Variants in LRMDA observed in about 807,000 individuals in gnomAD.
The protein encoded by LRMDA is leucine-rich melanocyte differentiation-associated protein.
LRMDA carries 18 observed loss-of-function variants against 29.8 expected under a neutral mutation model. The observed-to-expected ratio is 0.60, with a 90% CI of 0.42 to 0.90. The LOEUF (loss-of-function observed/expected upper bound fraction) is 0.90, where lower values mean the gene tolerates loss of function less well. Ranked by LOEUF, LRMDA falls within the 40% of genes least tolerant of loss-of-function variation. The pLI is 0.00. For synonymous variants in LRMDA, 125 were observed against 109.4 expected, an observed-to-expected ratio of 1.14 and a Z score of -0.89; for missense variants, 273 against 273.9, an observed-to-expected ratio of 1.00 and a Z score of 0.02.
intron 5 of LRMDA, among the ~76,000 whole-genome samples, chr10:76,208,679 T>C (rs2117795): frequency 0.31 from 47,295 of 151,948 alleles, 9,124 homozygotes; most frequent in East Asian, 0.6. Flanking sequence ...CATTCAGCAG[T>C]GAAGCCCAGG....
rs142976596 is a variant in LRMDA at position 75,683,621 on chromosome 10, A to G, written c.131+245127A>G. The stretch of plus-strand genomic sequence containing the variant: ...TGCACTCAGTATTTGGTGTCAGGCA[A>G]GGTTCCTAGGTGGTGTTCATTTCCT... On this transcript the variant is annotated intron_variant, in intron 2 of 6. Transcript: ENST00000611255. Among the ~76,000 whole-genome samples the G allele has an allele frequency of 2.6e-5, 4 of 152,332 alleles. No individual in the cohort carries two copies. In the East Asian group the frequency reaches 5.8e-4, roughly 22 times the overall value.
chr10:75,992,381 G>A (rs115754025), intron 2 of LRMDA, among the ~76,000 whole-genome samples: 188 of 152,262 alleles, frequency 1.2e-3, no homozygotes, highest in African/African-American at 4.1e-3. Flanking sequence ...ACATTTAGGC[G>A]TCGGGGAAGA....
intron 5 of LRMDA, among the ~76,000 whole-genome samples, chr10:76,120,755 T>TA (rs1250819948): frequency 6.6e-6 from 1 of 152,142 alleles, no homozygotes; most frequent in Non-Finnish European, 1.5e-5. Flanking sequence ...CCAATAGCTT[T>TA]ATGTGAGTGA....
chr10:75,806,335 C>T (rs141227026), intron 2 of LRMDA, among the ~76,000 whole-genome samples: 11 of 152,216 alleles, frequency 7.2e-5, no homozygotes, highest in South Asian at 2.1e-4. Context: ...CCATGGAATG[C>T]GTCAGCATTC....
At chr10:75,438,964 A>G (rs1844295174) in intron 2 of LRMDA, among the ~76,000 whole-genome samples, 1 of 152,126 alleles carries the variant, frequency 6.6e-6, no homozygotes, top group South Asian at 2.1e-4. Flanking sequence ...TTGTCTTTTT[A>G]TGAATGGGAG....
At chr10:75,769,392 G>T (rs146523614) in intron 2 of LRMDA, among the ~76,000 whole-genome samples, 27 of 152,298 alleles carry the variant, frequency 1.8e-4, no homozygotes, top group African/African-American at 5.8e-4. Flanking sequence ...GTGTTCTGAT[G>T]ATCACATTTA....
intron 2 of LRMDA, among the ~76,000 whole-genome samples, chr10:75,712,526 C>CA (rs1168866935): frequency 1.3e-5 from 2 of 151,918 alleles, no homozygotes; most frequent in African/African-American, 4.8e-5. Context: ...TCAGCACTGA[C>CA]AAAGTGAGGG....
chr10:75,855,714 T>G (rs1374854487), intron 2 of LRMDA, among the ~76,000 whole-genome samples: 4 of 152,252 alleles, frequency 2.6e-5, no homozygotes, highest in Admixed American at 6.5e-5. Context: ...CATTTAAGTC[T>G]TTAATCCATC....
chr10:76,181,825 A>G (rs1007190492), intron 5 of LRMDA, among the ~76,000 whole-genome samples: 8 of 152,226 alleles, frequency 5.3e-5, no homozygotes, highest in Non-Finnish European at 2.9e-5. Context: ...TAAATCTCAC[A>G]GGGGTGCTTG....
intron 5 of LRMDA, among the ~76,000 whole-genome samples, chr10:76,322,203 TATG>T (rs1840780064): frequency 6.6e-6 from 1 of 152,218 alleles, no homozygotes; most frequent in Non-Finnish European, 1.5e-5. Context: ...ACTTCTTTCC[TATG>T]ATAATTGTGT....
At chr10:76,284,538 CT>C (rs1324864671) in intron 5 of LRMDA, among the ~76,000 whole-genome samples, 4 of 152,312 alleles carry the variant, frequency 2.6e-5, no homozygotes, top group African/African-American at 9.6e-5. Flanking sequence ...TTCATGTGAA[CT>C]TGTTACAGCA....
chr10:75,930,733 T>A (rs1213506506), intron 2 of LRMDA, among the ~76,000 whole-genome samples: 1 of 152,234 alleles, frequency 6.6e-6, no homozygotes, highest in East Asian at 1.9e-4. Context: ...GAGTGCAATG[T>A]TCATTTAGTT....
At chr10:75,663,856 G>T (rs1182303517) in intron 2 of LRMDA, among the ~76,000 whole-genome samples, 1 of 152,142 alleles carries the variant, frequency 6.6e-6, no homozygotes, top group Admixed American at 6.5e-5. Context: ...AAATGGATGG[G>T]TTCCATGGCG....
At chr10:76,062,366 C>T (rs577447878) in intron 5 of LRMDA, among the ~76,000 whole-genome samples, 12 of 152,218 alleles carry the variant, frequency 7.9e-5, no homozygotes, top group South Asian at 6.2e-4. Context: ...GGTAGGGAAA[C>T]GGGCAGTCTG....
chr10:75,435,159 G>A (rs1441856797), intron 1 of LRMDA, among the ~76,000 whole-genome samples: 1 of 152,244 alleles, frequency 6.6e-6, no homozygotes, highest in Admixed American at 6.5e-5. Context: ...TGCAGTCTAA[G>A]TCAAGGTAAT....
rs565863144 is a variant in LRMDA at position 75,802,614 on chromosome 10, G to GT, written c.132-233384dup. 2.3e-3 allele frequency among the ~76,000 whole-genome samples: 348 copies of GT among 148,516 alleles called. 3 individuals are homozygous for GT. Among genetic ancestry groups the GT allele is most frequent in the Middle Eastern group, 0.017 (5 of 292 alleles). ...TTATCATATCAAAAAGGGTAGTGTTGTTTTTTTTTTCTTAGCAATAGCTTC... is the reference window on the plus strand; with the variant it reads ...TTATCATATCAAAAAGGGTAGTGTTGTTTTTTTTTTTCTTAGCAATAGCTTC... On this transcript the variant is annotated intron_variant, in intron 2 of 6. Transcript: ENST00000611255.
intron 5 of LRMDA, among the ~76,000 whole-genome samples, chr10:76,200,182 T>C (rs1044842979): frequency 7.2e-5 from 11 of 152,190 alleles, no homozygotes; most frequent in African/African-American, 2.4e-4. Context: ...CAGGCTGGTC[T>C]TGAACTCCTG....
At chr10:76,214,072 G>A (rs1464773795) in intron 5 of LRMDA, among the ~76,000 whole-genome samples, 2 of 152,100 alleles carry the variant, frequency 1.3e-5, no homozygotes, top group East Asian at 1.9e-4. Flanking sequence ...AGTGTCTCTG[G>A]TTGAATTTCA....
chr10:75,473,434 G>T lies in LRMDA; in HGVS notation c.131+34940G>T, dbSNP rs191775005. Among the ~76,000 whole-genome samples the T allele has an allele frequency of 3.2e-4, 49 of 152,334 alleles. 1 individual carries two copies. The East Asian group carries it at 4.6e-3, about 14-fold the overall frequency. ...AAATAAGTGTGTCTGGAGGTGATGC[G>T]TTTCCGAAGTTCAGTGATTTCTCTA... On this transcript the variant is annotated intron_variant, in intron 2 of 6. Coordinates refer to ENST00000611255, the MANE Select transcript of LRMDA (RefSeq NM_001305581.2).
Sources: gnomAD v4.1 joint callset for allele counts (sites outside exome capture counted in the v4.1 genomes callset) on GRCh38, gnomAD v4.1.1 for gene constraint, MANE v1.5 for transcripts, NCBI Gene and HGNC (gene_info 2026-07-23, HGNC 2026-07-21) for gene names.